HIF3A: variants seen among roughly 807,000 people sequenced by gnomAD.
HIF3A encodes the protein hypoxia-inducible factor 3-alpha.
HIF3A carries 41 observed loss-of-function variants against 67.2 expected under a neutral mutation model. The observed-to-expected ratio is 0.61, with a 90% CI of 0.48 to 0.79. HIF3A has a LOEUF of 0.79. Among genes scored for constraint, HIF3A ranks in the 30% least tolerant of loss-of-function variants. HIF3A has a pLI of 0.00. For missense variants in HIF3A, 855 were observed against 898.0 expected, an observed-to-expected ratio of 0.95 and a Z score of 0.61; for synonymous variants, 356 against 374.8, an observed-to-expected ratio of 0.95 and a Z score of 0.58.
intron 1 of HIF3A, 28 bp from the exon 2 acceptor site, chr19:46,303,870 C>G: frequency 6.3e-7 from 1 of 1,598,080 alleles, no homozygotes. Flanking sequence ...CCCGAGTCAC[C>G]ACCAGTGAAT....
At chr19:46,332,862 G>A (rs1971336246) in intron 13 of HIF3A, among the ~76,000 whole-genome samples, 1 of 151,792 alleles carries the variant, frequency 6.6e-6, no homozygotes, top group African/African-American at 2.4e-5. Flanking sequence ...CACACCTATA[G>A]TGCCAGCTAC....
chr19:46,310,424 A>G lies in HIF3A; in HGVS notation c.770+1065A>G, dbSNP rs149905515. 12 of 263,608 alleles carry G rather than the reference A, an allele frequency of 4.6e-5. No individual in the cohort carries two copies. In the East Asian group the frequency reaches 1.2e-3, roughly 26 times the overall value. 16.3% of individuals were successfully genotyped at this position (263,608 alleles called of 1,614,324 possible). ...AAAATAATAATAATAAATAAAATAA[A>G]CTGTTATTATTTGTTCACCCTCTAT... On this transcript the variant is annotated intron_variant, in intron 6 of 14. Transcript: ENST00000377670.
At chr19:46,336,575 C>A (rs1428889296) in intron 14 of HIF3A, among the ~76,000 whole-genome samples, 1 of 152,110 alleles carries the variant, frequency 6.6e-6, no homozygotes, top group African/African-American at 2.4e-5. Flanking sequence ...TTAGTAGAGA[C>A]AGAATTTCAC....
intron 10 of HIF3A, among the ~76,000 whole-genome samples, chr19:46,323,070 G>A (rs1336434036): frequency 1.3e-5 from 2 of 149,550 alleles, no homozygotes; most frequent in Admixed American, 6.7e-5. Context: ...TTTTTTTTGA[G>A]ACGGAGTTTT....
intron 13 of HIF3A, among the ~76,000 whole-genome samples, chr19:46,332,023 A>G (rs1260284336): frequency 6.6e-6 from 1 of 152,142 alleles, no homozygotes; most frequent in East Asian, 1.9e-4. Flanking sequence ...CAGAGTTCAA[A>G]GTGCAGACAC....
chr19:46,321,181 T>C (rs1366431902), intron 9 of HIF3A, among the ~76,000 whole-genome samples: 1 of 152,152 alleles, frequency 6.6e-6, no homozygotes, highest in Non-Finnish European at 1.5e-5. Flanking sequence ...GGGGCCAGTC[T>C]TTTCTCCTAA....
At chr19:46,337,174 G>A (rs947678806) in intron 14 of HIF3A, among the ~76,000 whole-genome samples, 4 of 152,064 alleles carry the variant, frequency 2.6e-5, no homozygotes, top group South Asian at 2.1e-4. Flanking sequence ...GAGTCCTGAC[G>A]ATATCGGGGG....
intron 13 of HIF3A, among the ~76,000 whole-genome samples, chr19:46,331,983 A>G (rs538113171): frequency 7.9e-5 from 12 of 152,116 alleles, no homozygotes; most frequent in Non-Finnish European, 1.5e-4. Flanking sequence ...TCCCCAAACT[A>G]GAACAGGTCT....
At chr19:46,337,179 CG>C (rs1568551432) in intron 14 of HIF3A, among the ~76,000 whole-genome samples, 1 of 151,834 alleles carries the variant, frequency 6.6e-6, no homozygotes, top group African/African-American at 2.4e-5. Context: ...CTGACGATAT[CG>C]GGGGGAAGAG....
At position 46,341,713 on chromosome 19, in the gene HIF3A, G is replaced by C. The variant is rs1289464237; in HGVS notation, c.*2091G>C. The C allele has an allele frequency of 6.6e-6, 1 of 150,930 alleles. No individual in the cohort carries two copies. The highest frequency in any genetic ancestry group is 2.4e-5 in the African/African-American group (1 of 40,918). The allele number at this position is 150,930 out of a possible 1,614,324, so 9.3% of individuals were successfully genotyped here. A position where few individuals can be genotyped will look rare whatever the true frequency, so the allele number is the denominator to read the frequency against. On this transcript the variant is annotated 3_prime_UTR_variant, in exon 15 of 15. Coordinates refer to ENST00000377670, the MANE Select transcript of HIF3A (RefSeq NM_152795.4). ...GCTGGAGTATAATGGTGCCATCTAG[G>C]CTCACTGCAACCTCCGCCTCCTGAT...
chr19:46,316,521 G>A (rs547662194), intron 8 of HIF3A, among the ~76,000 whole-genome samples: 1 of 152,110 alleles, frequency 6.6e-6, no homozygotes, highest in South Asian at 2.1e-4. Flanking sequence ...ACAGCTTTTC[G>A]GTCGTGCGCA....
At position 46,300,388 on chromosome 19, in the gene HIF3A, C is replaced by T. The variant is rs139264580; in HGVS notation, c.26+3286C>T. ...CAGTAAGTCTAACCTTGGCCGGGCG[C>T]GGTGGCTCATGCCTGTAATCCCAAC... On this transcript the variant is annotated intron_variant, in intron 1 of 14. Transcript: ENST00000377670. Among the ~76,000 whole-genome samples, 821 of 152,266 alleles carry T rather than the reference C, an allele frequency of 5.4e-3. 9 individuals carry two copies. Among genetic ancestry groups the T allele is most frequent in the African/African-American group, 0.018 (730 of 41,548 alleles).
chr19:46,341,346 T>C lies in HIF3A; in HGVS notation c.*1724T>C, dbSNP rs1462383382. The C allele has an allele frequency of 6.6e-6, 1 of 152,012 alleles. No homozygotes were observed. The highest frequency in any genetic ancestry group is 2.4e-5 in the African/African-American group (1 of 41,372). The allele number at this position is 152,012 out of a possible 1,614,324, so 9.4% of individuals were successfully genotyped here. A position where few individuals can be genotyped will look rare whatever the true frequency, so the allele number is the denominator to read the frequency against. On this transcript the variant is annotated 3_prime_UTR_variant, in exon 15 of 15. Coordinates refer to ENST00000377670, the MANE Select transcript of HIF3A (RefSeq NM_152795.4). ...TCCCAAATAGCTGGGATTACAGGCA[T>C]GTGCCACCACGCCCAGCTAAGTTTT...
Position 46,339,762 on chromosome 19 carries a change from C to A in HIF3A, c.*140C>A. On this transcript the variant is annotated 3_prime_UTR_variant, in exon 15 of 15. Transcript: ENST00000377670. ...TATGTACCCCCTGCCCACCTCGGGCCTACCTCAGCCCTCACCCCTCTGCCT... is the reference window on the plus strand; with the variant it reads ...TATGTACCCCCTGCCCACCTCGGGCATACCTCAGCCCTCACCCCTCTGCCT... The A allele has an allele frequency of 2.0e-6, 1 of 511,880 alleles. No individual in the cohort carries two copies. Among genetic ancestry groups the A allele is most frequent in the Non-Finnish European group, 3.4e-6 (1 of 294,280 alleles). 31.7% of individuals were successfully genotyped at this position (511,880 alleles called of 1,614,324 possible).
intron 8 of HIF3A, among the ~76,000 whole-genome samples, chr19:46,318,165 C>T (rs918846804): frequency 1.3e-5 from 2 of 151,874 alleles, no homozygotes; most frequent in East Asian, 1.9e-4. Context: ...TCTAACCCAA[C>T]GTTGTCCAAT....
chr19:46,320,237 T>A (rs1299422934), intron 8 of HIF3A: 3 of 515,974 alleles, frequency 5.8e-6, no homozygotes, highest in Admixed American at 3.6e-5. Flanking sequence ...CTTAAAAAAA[T>A]AAAATGCTGT....
intron 1 of HIF3A, among the ~76,000 whole-genome samples, chr19:46,301,404 A>G (rs1968319976): frequency 6.6e-6 from 1 of 152,042 alleles, no homozygotes; most frequent in South Asian, 2.1e-4. Context: ...GGATGAGAAA[A>G]AGCCTGAAGA....
Position 46,315,877 on chromosome 19 carries a change from G to T in HIF3A, c.1025+3224G>T, listed in dbSNP as rs143907690. 5.3e-5 allele frequency among the ~76,000 whole-genome samples: 8 copies of T among 152,124 alleles called. No individual in the cohort carries two copies. The South Asian group carries it at 1.7e-3, about 32-fold the overall frequency. On this transcript the variant is annotated intron_variant, in intron 8 of 14. Coordinates refer to ENST00000377670, the MANE Select transcript of HIF3A (RefSeq NM_152795.4). Reference sequence around the variant, plus strand: ...TGCAGTGAGCTGAGATCACACCGCTGCACTCTAGCCTGGGTGACAGAGTGA... The same window carrying T: ...TGCAGTGAGCTGAGATCACACCGCTTCACTCTAGCCTGGGTGACAGAGTGA...
intron 2 of HIF3A, 194 bp from the exon 3 acceptor site, chr19:46,305,051 T>C (rs1226818869): frequency 5.2e-6 from 4 of 766,132 alleles, no homozygotes; most frequent in Admixed American, 4.0e-5. Context: ...GAGGCCCTGC[T>C]TCTAATTCCA....
Sources: allele counts gnomAD v4.1 joint callset (sites outside exome capture counted in the v4.1 genomes callset), GRCh38; gene constraint gnomAD v4.1.1; transcripts MANE v1.5; gene names NCBI Gene and HGNC (gene_info 2026-07-23, HGNC 2026-07-21).